The following TP73 variants were observed in gnomAD, a reference collection of about 807,000 sequenced individuals.
TP73 encodes p53-like transcription factor.
TP73 carries 25 observed loss-of-function variants against 62.5 expected under a neutral mutation model. That is an observed-to-expected ratio of 0.40 (90% CI 0.29 to 0.56). TP73 has a LOEUF of 0.56. TP73 is among the 20% of genes least tolerant of loss of function. The probability of loss-of-function intolerance (pLI) is 0.46; values close to 1 mark genes in which losing one functional copy is unlikely to be tolerated. For synonymous variants in TP73, 423 were observed against 377.5 expected, an observed-to-expected ratio of 1.12 and a Z score of -1.40; for missense variants, 754 against 913.3, an observed-to-expected ratio of 0.83 and a Z score of 2.25.
At chr1:3,706,758 G>A (rs1639690034) in intron 3 of TP73, among the ~76,000 whole-genome samples, 1 of 152,062 alleles carries the variant, frequency 6.6e-6, no homozygotes, top group South Asian at 2.1e-4. Flanking sequence ...GGGGTCCCGG[G>A]GCGCCACAGA....
At chr1:3,713,754 G>A (rs1557556759) in intron 4 of TP73, among the ~76,000 whole-genome samples, 1 of 152,206 alleles carries the variant, frequency 6.6e-6, no homozygotes, top group African/African-American at 2.4e-5. Context: ...CGGCTGGAAA[G>A]AAAAGCATCT....
rs145825062 is a variant in TP73, at chr1:3,704,359, C to T, written c.187-3190C>T. On this transcript the variant is annotated intron_variant, in intron 3 of 13. Coordinates refer to ENST00000378295, the MANE Select transcript of TP73 (RefSeq NM_005427.4). ...TGAGCCCTTGGAATCGGGGTGCGCT[C>T]ACACACTGGGCTCAGGTCCATCCAC... 3.9e-5 allele frequency among the ~76,000 whole-genome samples: 6 copies of T among 152,292 alleles called. No individual in the cohort carries two copies. The East Asian group carries it at 1.2e-3, about 29-fold the overall frequency.
In TP73 at chr1:3,713,454, G is replaced by A. The variant is rs187128500; in HGVS notation, c.429+5663G>A. Among the ~76,000 whole-genome samples, 461 of 152,356 alleles carry A rather than the reference G, an allele frequency of 3.0e-3. 3 individuals carry two copies. Among genetic ancestry groups the A allele is most frequent in the African/African-American group, 0.01 (435 of 41,588 alleles). On this transcript the variant is annotated intron_variant, in intron 4 of 13. Transcript: ENST00000378295. ...CCAGTGCTGACGCCAAGATGCGGTC[G>A]TAGGTGACCTGGACCTTGGGCCGTG...
Position 3,730,030 on chromosome 1 carries a change from G to A in TP73, c.1227G>A (p.Pro409=), listed in dbSNP as rs568626313. Residue 409 remains proline (P), a synonymous_variant, in exon 11 of 14, where the codon CCG becomes CCA. Transcript: ENST00000378295. ...PSHLQPPSYG[P]VLSPMNKVHG... ...ACCTACAGCCCCCGTCCTACGGGCC[G>A]GTCCTCTCGCCCATGAACAAGGTGC... 144 of 1,609,076 alleles carry A rather than the reference G, an allele frequency of 8.9e-5. No individual in the cohort carries two copies. The South Asian group carries it at 1.2e-3, about 13-fold the overall frequency.
In TP73 at chr1:3,696,447, A is replaced by G. The variant is rs992437002; in HGVS notation, c.187-11102A>G. Among the ~76,000 whole-genome samples, 3 of 151,932 alleles carry G rather than the reference A, an allele frequency of 2.0e-5. No homozygotes were observed. The highest frequency in any genetic ancestry group is 4.4e-5 in the Non-Finnish European group (3 of 67,990). ...AGACGACCTCTAGGGAGTCCTGCACATGGGCACTTACAGTCAGGGCTCTGG... is the reference window on the plus strand; with the variant it reads ...AGACGACCTCTAGGGAGTCCTGCACGTGGGCACTTACAGTCAGGGCTCTGG... On this transcript the variant is annotated intron_variant, in intron 3 of 13. Coordinates refer to ENST00000378295, the MANE Select transcript of TP73 (RefSeq NM_005427.4). The surrounding 1 kb of genome is among the most constrained non-coding windows in gnomAD (Gnocchi z 4.1).
At chr1:3,709,056 G>T (rs188692194) in intron 4 of TP73, among the ~76,000 whole-genome samples, 1 of 152,202 alleles carries the variant, frequency 6.6e-6, no homozygotes, top group Non-Finnish European at 1.5e-5. Flanking sequence ...CTGGAGGGCC[G>T]AGGGGCAGGG....
intron 1 of TP73, among the ~76,000 whole-genome samples, chr1:3,679,426 T>C (rs1645456211): frequency 6.6e-6 from 1 of 152,142 alleles, no homozygotes; most frequent in African/African-American, 2.4e-5. Flanking sequence ...TGTCCCTCTC[T>C]CTTTCCCTCT....
In TP73 at chr1:3,699,768, G is replaced by A. The variant is rs1290662608; in HGVS notation, c.187-7781G>A. ...GGCAGGAGCTGGAGAGGTGACAGGA[G>A]CGAGGGAGGCGGAGGTGGAGCTGGG... On this transcript the variant is annotated intron_variant, in intron 3 of 13. Coordinates refer to ENST00000378295, the MANE Select transcript of TP73 (RefSeq NM_005427.4). This position sits in a 1 kb window ranked among gnomAD's most constrained non-coding sequence, Gnocchi z 4.1. Among the ~76,000 whole-genome samples the A allele has an allele frequency of 6.6e-6, 1 of 152,198 alleles. No homozygotes were observed. Among genetic ancestry groups the A allele is most frequent in the Non-Finnish European group, 1.5e-5 (1 of 68,010 alleles).
At chr1:3,711,840 G>A (rs1458430299) in intron 4 of TP73, among the ~76,000 whole-genome samples, 3 of 84,884 alleles carry the variant, frequency 3.5e-5, no homozygotes, top group East Asian at 4.9e-4. Flanking sequence ...GTGCGCGAGC[G>A]TGTGTATGTG....
chr1:3,678,639 A>G (rs533448370), intron 1 of TP73, among the ~76,000 whole-genome samples: 3 of 151,872 alleles, frequency 2.0e-5, no homozygotes, highest in African/African-American at 7.2e-5. Context: ...CTAATGAGGA[A>G]CCCGATTCCC....
At chr1:3,665,823 T>TC (rs973186698) in intron 1 of TP73, among the ~76,000 whole-genome samples, 6 of 145,546 alleles carry the variant, frequency 4.1e-5, no homozygotes, top group Non-Finnish European at 9.1e-5. Flanking sequence ...CCCGGCCTTT[T>TC]TTTTTTTTTT....
At position 3,663,886 on chromosome 1, in the gene TP73, C is replaced by A. The variant is rs1230085367; in HGVS notation, c.-34+11245C>A. The stretch of plus-strand genomic sequence containing the variant: ...GTGACAGGGAGCAGGAGAGAGCATA[C>A]CTGCTTTCCCTGGCTTCTCAGATGC... On this transcript the variant is annotated intron_variant, in intron 1 of 13. Transcript: ENST00000378295. The surrounding 1 kb of genome is among the most constrained non-coding windows in gnomAD (Gnocchi z 4.7). Among the ~76,000 whole-genome samples the A allele has an allele frequency of 6.6e-6, 1 of 152,156 alleles. No individual in the cohort carries two copies. The highest frequency in any genetic ancestry group is 1.5e-5 in the Non-Finnish European group (1 of 68,018).
In TP73 at chr1:3,731,004, A is replaced by T; in HGVS notation, c.1423A>T (p.Met475Leu). The T allele has an allele frequency of 5.0e-6, 8 of 1,612,172 alleles. No individual in the cohort carries two copies. Among genetic ancestry groups the T allele is most frequent in the Non-Finnish European group, 6.8e-6 (8 of 1,179,734 alleles). The change falls in exon 12 of 14, where the codon ATG becomes TTG. Residue 475 changes from methionine to leucine, a missense_variant. Physicochemically the swap from Met to Leu is conservative, Grantham distance 15 (BLOSUM62 2). This residue lies in a region of TP73 where 458 missense variants were observed against 528.7 expected (regional missense o/e 0.87). Transcript: ENST00000378295. ...EMSSSHSAQS[M>L]VSGSHCTPPP... ...GAGCAGCAGCCACAGCGCCCAGTCC[A>T]TGGTCTCGGGGTCCCACTGCACTCC...
At chr1:3,716,785 A>G (rs1185150107) in intron 4 of TP73, among the ~76,000 whole-genome samples, 2 of 152,136 alleles carry the variant, frequency 1.3e-5, no homozygotes, top group Non-Finnish European at 2.9e-5. Context: ...TGGCTCAGGC[A>G]TGTGTTTTAG....
In TP73 at chr1:3,723,422, C is replaced by A. The variant is rs1641259855; in HGVS notation, c.685C>A (p.Pro229Thr). ...TAATCTCTCGCAGTATGTGGATGAC[C>A]CTGTCACCGGCAGGCAGAGCGTCGT... The part of the protein sequence containing the change: ...GNNLSQYVDD[P>T]VTGRQSVVVP... Residue 229 changes from proline to threonine, a missense_variant, in exon 6 of 14, where the codon CCT becomes ACT. Physicochemically the swap from Pro to Thr is conservative, Grantham distance 38. Around this residue, in one of 3 missense-constraint regions of TP73, gnomAD observed 61 missense variants for 133.2 expected, o/e 0.46. Coordinates refer to ENST00000378295, the MANE Select transcript of TP73 (RefSeq NM_005427.4). The A allele has an allele frequency of 1.9e-6, 3 of 1,612,588 alleles. No homozygotes were observed. Among genetic ancestry groups the A allele is most frequent in the East Asian group, 2.2e-5 (1 of 44,884 alleles).
intron 1 of TP73, among the ~76,000 whole-genome samples, chr1:3,671,754 G>T (rs1264086392): frequency 6.6e-6 from 1 of 152,234 alleles, no homozygotes; most frequent in Non-Finnish European, 1.5e-5. Context: ...CACAGGGAAT[G>T]CTGGGCAGCA....
intron 1 of TP73, chr1:3,659,526 C>T (rs1023525757): frequency 1.3e-5 from 2 of 152,114 alleles, no homozygotes; most frequent in South Asian, 2.1e-4. Context: ...ATCAGGAACC[C>T]GTCCAGTTTG....
chr1:3,706,501 G>A (rs1438978221), intron 3 of TP73, among the ~76,000 whole-genome samples: 2 of 151,376 alleles, frequency 1.3e-5, no homozygotes, highest in African/African-American at 2.4e-5. Context: ...GGTGCCCGCC[G>A]CAGGCCCGGG....
intron 1 of TP73, among the ~76,000 whole-genome samples, chr1:3,678,306 C>A (rs1260258456): frequency 6.6e-6 from 1 of 152,264 alleles, no homozygotes; most frequent in Non-Finnish European, 1.5e-5. Context: ...GGATCCTTGC[C>A]TGAAAGGCGG....
Sources: gnomAD v4.1 joint callset for allele counts (sites outside exome capture counted in the v4.1 genomes callset) on GRCh38, gnomAD v4.1.1 for gene constraint, gnomAD v4.1.1 regional missense constraint, Gnocchi (gnomAD v3.1) non-coding constraint, MANE v1.5 for transcripts, NCBI Gene and HGNC (gene_info 2026-07-23, HGNC 2026-07-21) for gene names.